Variants in ARID1A observed in about 807,000 individuals in gnomAD.
ARID1A encodes AT-rich interactive domain-containing protein 1A.
ARID1A carries 20 observed loss-of-function variants against 212.6 expected under a neutral mutation model. That is an observed-to-expected ratio of 0.09 (90% confidence interval 0.07 to 0.14). The LOEUF (loss-of-function observed/expected upper bound fraction) is 0.14. Among genes scored for constraint, ARID1A ranks in the 10% least tolerant of loss-of-function variants. ARID1A has a pLI of 1.00. For missense variants in ARID1A, 2,587 were observed against 3,059.0 expected, an observed-to-expected ratio of 0.85 and a Z score of 3.64; for synonymous variants, 1,376 against 1,222.1, an observed-to-expected ratio of 1.13 and a Z score of -2.63.
chr1:26,781,204 AAAG>A lies in ARID1A; in HGVS notation c.*449_*451del. On this transcript the variant is annotated 3_prime_UTR_variant, in exon 20 of 20. Coordinates refer to ENST00000324856, the MANE Select transcript of ARID1A (RefSeq NM_006015.6). ...ACAAAAAAAAATTCTGAAGGACAAA[AAAG>A]GTGACTGCTGAACTGTGTGTGGTTT... The A allele has an allele frequency of 4.2e-6, 1 of 240,520 alleles. No individual in the cohort carries two copies. Among genetic ancestry groups the A allele is most frequent in the East Asian group, 6.0e-5 (1 of 16,806 alleles). 14.9% of individuals were successfully genotyped at this position (240,520 alleles called of 1,614,324 possible).
At chr1:26,772,203 G>A (rs571656148) in intron 12 of ARID1A, 23 of 397,682 alleles carry the variant, frequency 5.8e-5, no homozygotes, top group Middle Eastern at 7.4e-4. Flanking sequence ...GTCCTTTGGC[G>A]GAGTGAAGAG....
At position 26,759,052 on chromosome 1, in the gene ARID1A, A is replaced by G. The variant is rs200868674; in HGVS notation, c.1921-1804A>G. Among the ~76,000 whole-genome samples the G allele has an allele frequency of 6.0e-4, 4 of 6,618 alleles. No homozygotes were observed. The African/African-American group carries it at 8.4e-3, about 14-fold the overall frequency. The allele number at this position is 6,618 out of a possible 152,430, so 4.3% of individuals were successfully genotyped here. ...GCCTAAAAGCTGCCCTCTGACCTCC[A>G]GTGTTAACTGTCAGATCTTAGGGTC... is the stretch of plus-strand genomic sequence containing the variant. On this transcript the variant is annotated intron_variant, in intron 4 of 19. Transcript: ENST00000324856.
chr1:26,780,007 C>G lies in ARID1A; in HGVS notation c.6109C>G (p.Gln2037Glu), dbSNP rs944626866. 2.5e-6 allele frequency: 4 copies of G among 1,614,072 alleles called. No homozygotes were observed. In the African/African-American group the frequency reaches 5.3e-5, roughly 22 times the overall value. Reference sequence around the variant, plus strand: ...ACTAACTTATGAAAAGGAGGAGGAACAGGACCAAGGGGTGAGCTGCAACAA... The same window carrying G: ...ACTAACTTATGAAAAGGAGGAGGAAGAGGACCAAGGGGTGAGCTGCAACAA... ...APLTYEKEEE[Q>E]DQGVSCNKVE... Residue 2037 changes from glutamine to glutamate, a missense_variant, in exon 20 of 20, where the codon CAG becomes GAG. Transcript: ENST00000324856. This position sits in a 1 kb window ranked among gnomAD's most constrained non-coding sequence, Gnocchi z 7.2.
At chr1:26,701,670 T>C (rs2080332998) in intron 1 of ARID1A, among the ~76,000 whole-genome samples, 1 of 152,214 alleles carries the variant, frequency 6.6e-6, no homozygotes, top group Non-Finnish European at 1.5e-5. Flanking sequence ...AGCTGGCTTG[T>C]TATGAAGGCA....
At chr1:26,747,433 C>T (rs12752833) in intron 4 of ARID1A, among the ~76,000 whole-genome samples, 9,071 of 152,262 alleles carry the variant, frequency 0.06, 330 homozygotes, top group Non-Finnish European at 0.08. Flanking sequence ...GAACCTGTCC[C>T]TTAAGGCCAG....
intron 4 of ARID1A, among the ~76,000 whole-genome samples, chr1:26,736,192 T>G (rs1348808450): frequency 6.6e-6 from 1 of 150,716 alleles, no homozygotes; most frequent in Non-Finnish European, 1.5e-5. Context: ...GGCATGGCAG[T>G]GGGTACCTGT....
rs2124742167 is a variant in ARID1A, at chr1:26,696,901, C to T, written c.498C>T (p.Ala166=). 7.3e-7 allele frequency: 1 copy of T among 1,377,568 alleles called. No homozygotes were observed. The highest frequency in any genetic ancestry group is 9.4e-7 in the Non-Finnish European group (1 of 1,065,644). 85.3% of individuals were successfully genotyped at this position (1,377,568 alleles called of 1,614,324 possible). A position where few individuals can be genotyped will look rare whatever the true frequency, so the allele number is the denominator to read the frequency against. Residue 166 remains alanine, a synonymous_variant, in exon 1 of 20, where the codon GCC becomes GCT. Transcript: ENST00000324856. ...RSPSAVAAAA[A]AVFHQQHGGQ... ...CGTCTGCCGTCGCCGCCGCCGCGGC[C>T]GCCGTCTTCCACCAACAACATGGCG...
chr1:26,733,479 C>T (rs150602513), intron 4 of ARID1A, among the ~76,000 whole-genome samples: 1 of 152,270 alleles, frequency 6.6e-6, no homozygotes, highest in East Asian at 1.9e-4. Context: ...AGAGAGTGCA[C>T]ACGAGCACTG....
intron 14 of ARID1A, 137 bp downstream of exon 14, chr1:26,773,124 C>A: frequency 7.7e-7 from 1 of 1,301,862 alleles, no homozygotes; most frequent in East Asian, 2.4e-5. Flanking sequence ...AACTACCCCT[C>A]TTCATCCTTA....
intron 1 of ARID1A, among the ~76,000 whole-genome samples, chr1:26,698,524 T>C (rs974005506): frequency 6.6e-6 from 1 of 152,216 alleles, no homozygotes; most frequent in African/African-American, 2.4e-5. Context: ...CCTTGTTACA[T>C]TGTGCCCAAA....
intron 1 of ARID1A, among the ~76,000 whole-genome samples, chr1:26,702,540 A>G (rs963690605): frequency 3.3e-5 from 5 of 152,246 alleles, no homozygotes; most frequent in African/African-American, 1.2e-4. Context: ...TGAGCTGTCA[A>G]TATGTACCCA....
At chr1:26,748,628 T>G (rs1015701037) in intron 4 of ARID1A, among the ~76,000 whole-genome samples, 2 of 142,708 alleles carry the variant, frequency 1.4e-5, no homozygotes, top group Non-Finnish European at 3.1e-5. Context: ...TTTTTTTTTT[T>G]GTCAGATTTG....
In ARID1A at chr1:26,781,059, C is replaced by G; in HGVS notation, c.*303C>G. On this transcript the variant is annotated 3_prime_UTR_variant, in exon 20 of 20. Transcript: ENST00000324856. ...ACTTTTTTTATTTTAACCAAAGTTA[C>G]TGTTGTTTACAGTGAGTTTGGGGAA... The G allele has an allele frequency of 3.1e-6, 1 of 320,768 alleles. No individual in the cohort carries two copies. Among genetic ancestry groups the G allele is most frequent in the Admixed American group, 4.8e-5 (1 of 20,730 alleles). The allele number at this position is 320,768 out of a possible 1,614,324, so 19.9% of individuals were successfully genotyped here.
Position 26,696,574 on chromosome 1 carries a change from A to G in ARID1A, c.171A>G (p.Glu57=). ...AAATGAAGGCAGCCGCCGGGCAGGA[A>G]AGCGAGGGCCCCGCCGTGGGGCCGC... ...RGEMKAAAGQ[E]SEGPAVGPPQ... Residue 57 remains glutamate (E), a synonymous_variant, in exon 1 of 20, where the codon GAA becomes GAG. Transcript: ENST00000324856. The G allele has an allele frequency of 8.1e-7, 1 of 1,227,980 alleles. No individual in the cohort carries two copies. Among genetic ancestry groups the G allele is most frequent in the South Asian group, 4.0e-5 (1 of 25,018 alleles). 76.1% of individuals were successfully genotyped at this position (1,227,980 alleles called of 1,614,324 possible).
intron 14 of ARID1A, 57 bp from the exon 15 acceptor site, chr1:26,773,289 A>G (rs747167164): frequency 2.3e-4 from 343 of 1,516,948 alleles, no homozygotes; most frequent in Non-Finnish European, 2.8e-4. Context: ...GTCAAAGGGT[A>G]GATTACCAGG....
At chr1:26,741,463 C>T (rs567775736) in intron 4 of ARID1A, among the ~76,000 whole-genome samples, 38 of 152,248 alleles carry the variant, frequency 2.5e-4, no homozygotes, top group Non-Finnish European at 5.3e-4. Flanking sequence ...AATTCCTCCG[C>T]TTCATCCCAA....
chr1:26,731,255 A>G lies in ARID1A; in HGVS notation c.1454A>G (p.Tyr485Cys). ...CACCCTCAGCAGCAGCAGCCACCCT[A>G]CTCCCAGCAACCACCGTCCCAGACC... ...SPHPQQQQPP[Y>C]SQQPPSQTPH... Residue 485 changes from tyrosine to cysteine, a missense_variant, in exon 3 of 20, where the codon TAC (tyrosine) becomes TGC (cysteine). Physicochemically the swap from Tyr to Cys is radical, Grantham distance 194. Around this residue, in one of 11 missense-constraint regions of ARID1A, gnomAD observed 674 missense variants for 813.4 expected, o/e 0.83. Coordinates refer to ENST00000324856, the MANE Select transcript of ARID1A (RefSeq NM_006015.6). 6.2e-7 allele frequency: 1 copy of G among 1,612,770 alleles called. No individual in the cohort carries two copies.
chr1:26,748,398 T>A (rs2080856214), intron 4 of ARID1A, among the ~76,000 whole-genome samples: 1 of 152,176 alleles, frequency 6.6e-6, no homozygotes, highest in African/African-American at 2.4e-5. Context: ...TCTAAGATTA[T>A]AGCTGATGAT....
intron 1 of ARID1A, among the ~76,000 whole-genome samples, chr1:26,708,266 C>CTT (rs397860721): frequency 0.058 from 1,374 of 23,740 alleles, 618 homozygotes; most frequent in East Asian, 0.24. Flanking sequence ...CAGTCCTTCA[C>CTT]TTTTTTTTTT....
Sources: allele counts gnomAD v4.1 joint callset (sites outside exome capture counted in the v4.1 genomes callset), GRCh38; gene constraint gnomAD v4.1.1; regional missense constraint gnomAD v4.1.1; non-coding constraint Gnocchi (gnomAD v3.1); transcripts MANE v1.5; gene names NCBI Gene and HGNC (gene_info 2026-07-23, HGNC 2026-07-21).